CFAP299: variants seen among roughly 807,000 people sequenced by gnomAD.
CFAP299 encodes the protein cilia and flagella associated protein 299, also known as cilia- and flagella-associated protein 299.
In CFAP299, 21 loss-of-function variants were observed where a neutral mutation model predicts 27.0. The ratio of observed to expected loss-of-function variants is 0.78; its 90% confidence interval spans 0.55 to 1.12. The LOEUF (loss-of-function observed/expected upper bound fraction) is 1.12. CFAP299 is among the 50% of genes most tolerant of loss of function. The pLI is 0.00. For missense variants in CFAP299, 310 were observed against 276.6 expected (o/e 1.12, Z -0.86); for synonymous variants, 104 against 98.1 (o/e 1.06, Z -0.36).
At chr4:80,758,644 A>G (rs577074632) in intron 3 of CFAP299, among the ~76,000 whole-genome samples, 2 of 152,156 alleles carry the variant, frequency 1.3e-5, no homozygotes, top group Non-Finnish European at 2.9e-5. Flanking sequence ...TAACATATTT[A>G]TAATAAGAAC....
intron 4 of CFAP299, among the ~76,000 whole-genome samples, chr4:80,907,804 C>A (rs1735259667): frequency 1.3e-5 from 2 of 152,114 alleles, no homozygotes; most frequent in Non-Finnish European, 2.9e-5. Context: ...TGGGATACAG[C>A]CAAACTTTGT....
At chr4:80,613,033 A>C (rs1471078893) in intron 3 of CFAP299, among the ~76,000 whole-genome samples, 1 of 152,128 alleles carries the variant, frequency 6.6e-6, no homozygotes, top group African/African-American at 2.4e-5. Context: ...ATGCATTTAC[A>C]CATTTGATTC....
chr4:80,521,462 T>C (rs1732907867), intron 2 of CFAP299, among the ~76,000 whole-genome samples: 1 of 152,186 alleles, frequency 6.6e-6, no homozygotes, highest in Non-Finnish European at 1.5e-5. Context: ...GTTTTAATCA[T>C]GGAAAAAACT....
At position 80,776,428 on chromosome 4, in the gene CFAP299, A is replaced by G. The variant is rs1245956892; in HGVS notation, c.334-93565A>G. ...GAATTAATACTGTGAAACTATATGC[A>G]AATATATTTATATGAAGATTACGGT... is the stretch of plus-strand genomic sequence containing the variant. On this transcript the variant is annotated intron_variant, in intron 3 of 5. Coordinates refer to ENST00000358105, the MANE Select transcript of CFAP299 (RefSeq NM_152770.3). Among the ~76,000 whole-genome samples, 3 of 152,232 alleles carry G rather than the reference A, an allele frequency of 2.0e-5. No homozygotes were observed. The East Asian group carries it at 5.8e-4, about 29-fold the overall frequency.
intron 3 of CFAP299, among the ~76,000 whole-genome samples, chr4:80,805,950 A>C (rs1414030076): frequency 2.6e-5 from 4 of 152,112 alleles, no homozygotes; most frequent in African/African-American, 9.6e-5. Context: ...ATATCTCTGC[A>C]CTCAAGGATT....
intron 3 of CFAP299, among the ~76,000 whole-genome samples, chr4:80,734,589 A>T (rs550932876): frequency 6.6e-6 from 1 of 152,220 alleles, no homozygotes; most frequent in East Asian, 1.9e-4. Flanking sequence ...TAGTAGTTTC[A>T]TAGTTTGAGG....
At chr4:80,640,917 G>T (rs1233700671) in intron 3 of CFAP299, among the ~76,000 whole-genome samples, 1 of 152,130 alleles carries the variant, frequency 6.6e-6, no homozygotes, top group Non-Finnish European at 1.5e-5. Context: ...TTCAGTGTAC[G>T]TGTTAAGGTA....
intron 3 of CFAP299, among the ~76,000 whole-genome samples, chr4:80,630,795 T>G (rs1024700871): frequency 6.6e-6 from 1 of 152,042 alleles, no homozygotes; most frequent in Admixed American, 6.6e-5. Flanking sequence ...AGATTTTCCA[T>G]GAAACAAATG....
chr4:80,543,883 A>T (rs1307017235), intron 2 of CFAP299, among the ~76,000 whole-genome samples: 1 of 152,048 alleles, frequency 6.6e-6, no homozygotes, highest in Non-Finnish European at 1.5e-5. Context: ...CCCAAGACAC[A>T]CAGTCATCAG....
chr4:80,963,368 G>C, intron 5 of CFAP299, 149 bp from the exon 6 acceptor site: 1 of 587,906 alleles, frequency 1.7e-6, no homozygotes, highest in East Asian at 3.1e-5. Context: ...CTGAGAAAAA[G>C]ACTAGGGGGA....
At chr4:80,623,813 C>T (rs1278978499) in intron 3 of CFAP299, among the ~76,000 whole-genome samples, 4 of 152,228 alleles carry the variant, frequency 2.6e-5, no homozygotes, top group Non-Finnish European at 4.4e-5. Context: ...CAGACAGAGT[C>T]TCTAGAATCA....
intron 2 of CFAP299, among the ~76,000 whole-genome samples, chr4:80,434,639 T>G (rs1452198175): frequency 6.6e-6 from 1 of 152,234 alleles, no homozygotes; most frequent in Non-Finnish European, 1.5e-5. Context: ...GAACAAGCAC[T>G]AAACCTCTGT....
At chr4:80,890,959 T>C (rs1189516875) in intron 4 of CFAP299, among the ~76,000 whole-genome samples, 1 of 151,778 alleles carries the variant, frequency 6.6e-6, no homozygotes, top group Non-Finnish European at 1.5e-5. Flanking sequence ...TTCTGGATAT[T>C]AGCCCTTTGT....
At chr4:80,412,409 C>T (rs1726767434) in intron 2 of CFAP299, among the ~76,000 whole-genome samples, 1 of 151,912 alleles carries the variant, frequency 6.6e-6, no homozygotes, top group African/African-American at 2.4e-5. Context: ...AAGAAAAAGC[C>T]CCTTTAATTA....
chr4:80,583,976 C>T (rs1430876243), intron 3 of CFAP299, among the ~76,000 whole-genome samples: 1 of 151,826 alleles, frequency 6.6e-6, no homozygotes, highest in East Asian at 1.9e-4. Flanking sequence ...GAGTTTTTCC[C>T]ACTATCAGGT....
intron 2 of CFAP299, among the ~76,000 whole-genome samples, chr4:80,400,823 G>A (rs998670513): frequency 1.6e-4 from 24 of 152,214 alleles, no homozygotes; most frequent in African/African-American, 5.5e-4. Context: ...TCAGGAAAAT[G>A]TGAGAAAGTT....
rs1240779403 is a variant in CFAP299, at chr4:80,800,540, T to C, written c.334-69453T>C. Reference sequence around the variant, plus strand: ...ATAATATATAATATATTATATAATATATAATATATCAATATATTATATAAT... The same window carrying C: ...ATAATATATAATATATTATATAATACATAATATATCAATATATTATATAAT... On this transcript the variant is annotated intron_variant, in intron 3 of 5. Transcript: ENST00000358105. Among the ~76,000 whole-genome samples, 3 of 51,770 alleles carry C rather than the reference T, an allele frequency of 5.8e-5. No homozygotes were observed. In the East Asian group the frequency reaches 2.2e-3, roughly 38 times the overall value. The allele number at this position is 51,770 out of a possible 152,430, so 34.0% of individuals were successfully genotyped here. A position where few individuals can be genotyped will look rare whatever the true frequency, so the allele number is the denominator to read the frequency against.
At chr4:80,524,422 G>T (rs1262418385) in intron 2 of CFAP299, among the ~76,000 whole-genome samples, 1 of 151,792 alleles carries the variant, frequency 6.6e-6, no homozygotes, top group East Asian at 1.9e-4. Flanking sequence ...ATGTTTAGCA[G>T]AATCCTTGAT....
At chr4:80,962,707 A>G (rs1738405035) in intron 5 of CFAP299, among the ~76,000 whole-genome samples, 1 of 151,960 alleles carries the variant, frequency 6.6e-6, no homozygotes, top group Non-Finnish European at 1.5e-5. Flanking sequence ...ACTTCTCTTT[A>G]TCCTCAATTC....
Sources: gnomAD v4.1 joint callset for allele counts (sites outside exome capture counted in the v4.1 genomes callset) on GRCh38, gnomAD v4.1.1 for gene constraint, MANE v1.5 for transcripts, NCBI Gene and HGNC (gene_info 2026-07-23, HGNC 2026-07-21) for gene names.